The following SNTG1 variants were observed in gnomAD, a reference collection of about 807,000 sequenced individuals.
SNTG1 encodes the protein syntrophin gamma 1.
In SNTG1, 39 loss-of-function variants were observed where a neutral mutation model predicts 74.7. That is an observed-to-expected ratio of 0.52 (90% CI 0.40 to 0.68). The LOEUF (loss-of-function observed/expected upper bound fraction) is 0.68, where lower values mean the gene tolerates loss of function less well. Among genes scored for constraint, SNTG1 ranks in the 30% least tolerant of loss-of-function variants. SNTG1 has a pLI of 0.00. For synonymous variants in SNTG1, 254 were observed against 217.1 expected (o/e 1.17, Z -1.49); for missense variants, 685 against 609.5 (o/e 1.12, Z -1.30).
intron 2 of SNTG1, among the ~76,000 whole-genome samples, chr8:50,371,770 C>T (rs541045566): frequency 6.6e-6 from 1 of 152,248 alleles, no homozygotes; most frequent in East Asian, 1.9e-4. Flanking sequence ...GGTGAATTGA[C>T]CCTTTTATCG....
chr8:50,433,130 A>T (rs1030538201), intron 4 of SNTG1, among the ~76,000 whole-genome samples: 3 of 152,198 alleles, frequency 2.0e-5, no homozygotes, highest in Non-Finnish European at 2.9e-5. Flanking sequence ...TTTAAATGGC[A>T]TTATGCTTTT....
chr8:50,286,453 C>T (rs2088789067), intron 2 of SNTG1: 1 of 152,132 alleles, frequency 6.6e-6, no homozygotes, highest in Non-Finnish European at 1.5e-5. Flanking sequence ...CTCATTTCTC[C>T]CCACCAGTCA....
intron 1 of SNTG1, among the ~76,000 whole-genome samples, chr8:50,167,551 C>T (rs183957991): frequency 3.8e-4 from 58 of 151,354 alleles, no homozygotes; most frequent in Admixed American, 3.7e-3. Flanking sequence ...AATCCCAGCA[C>T]TTTGTGAGGC....
At chr8:50,104,266 A>G (rs1016060149) in intron 1 of SNTG1, among the ~76,000 whole-genome samples, 3 of 152,146 alleles carry the variant, frequency 2.0e-5, no homozygotes, top group African/African-American at 4.8e-5. Context: ...TCAGAGATTC[A>G]ACTTCTTCCT....
chr8:50,587,724 G>A (rs1048401721), intron 12 of SNTG1, among the ~76,000 whole-genome samples: 2 of 151,602 alleles, frequency 1.3e-5, no homozygotes, highest in African/African-American at 4.8e-5. Flanking sequence ...ACGCGCGAGG[G>A]TGAGGCAGGA....
chr8:50,488,750 T>C (rs1381937776), intron 8 of SNTG1, among the ~76,000 whole-genome samples: 1 of 152,170 alleles, frequency 6.6e-6, no homozygotes, highest in Admixed American at 6.5e-5. Flanking sequence ...AAGTATTCAC[T>C]AAATAGTCAT....
At chr8:50,200,378 G>C (rs527351555) in intron 2 of SNTG1, among the ~76,000 whole-genome samples, 3 of 152,266 alleles carry the variant, frequency 2.0e-5, no homozygotes, top group Non-Finnish European at 4.4e-5. Flanking sequence ...ACAATGACTT[G>C]AGCTGTGGAG....
intron 2 of SNTG1, among the ~76,000 whole-genome samples, chr8:50,266,781 A>G (rs2087504286): frequency 6.6e-6 from 1 of 151,534 alleles, no homozygotes; most frequent in Non-Finnish European, 1.5e-5. Context: ...AAAGAGAAGT[A>G]GAAATCATTG....
chr8:50,379,706 C>T (rs576610635), intron 2 of SNTG1, among the ~76,000 whole-genome samples: 3 of 152,352 alleles, frequency 2.0e-5, no homozygotes, highest in African/African-American at 7.2e-5. Context: ...TCTCAGTAAT[C>T]CCAAGGACTA....
At chr8:50,604,477 G>T (rs139657305) in intron 13 of SNTG1, among the ~76,000 whole-genome samples, 7 of 152,130 alleles carry the variant, frequency 4.6e-5, no homozygotes, top group African/African-American at 1.7e-4. Context: ...ATTCTGCATG[G>T]CTAAGATGGA....
intron 1 of SNTG1, among the ~76,000 whole-genome samples, chr8:50,078,439 A>G (rs62515418): frequency 0.024 from 3,619 of 152,178 alleles, 106 homozygotes; most frequent in Middle Eastern, 0.031. Flanking sequence ...CTTCTTAGCA[A>G]TGTTTGGTAC....
At chr8:49,942,891 C>T (rs1174838033) in intron 1 of SNTG1, among the ~76,000 whole-genome samples, 1 of 152,126 alleles carries the variant, frequency 6.6e-6, no homozygotes, top group Non-Finnish European at 1.5e-5. Context: ...TGCACTCCAC[C>T]CACCTCCATA....
chr8:50,464,575 G>A (rs1306621837), intron 8 of SNTG1, among the ~76,000 whole-genome samples: 2 of 152,180 alleles, frequency 1.3e-5, no homozygotes, highest in African/African-American at 2.4e-5. Flanking sequence ...TTATACAGGT[G>A]TGATTTGTGG....
intron 2 of SNTG1, among the ~76,000 whole-genome samples, chr8:50,208,800 AAC>A (rs550735894): frequency 1.4e-4 from 22 of 152,154 alleles, no homozygotes; most frequent in Non-Finnish European, 2.5e-4. Flanking sequence ...GCCAGATAGG[AAC>A]AGCTCCAGTC....
At chr8:50,618,351 C>T (rs1002247883) in intron 13 of SNTG1, among the ~76,000 whole-genome samples, 12 of 152,176 alleles carry the variant, frequency 7.9e-5, no homozygotes, top group Admixed American at 6.5e-4. Context: ...TATTTTCTTA[C>T]TGTTGCATGC....
At chr8:50,022,260 T>A (rs979902924) in intron 1 of SNTG1, among the ~76,000 whole-genome samples, 1 of 152,154 alleles carries the variant, frequency 6.6e-6, no homozygotes, top group Non-Finnish European at 1.5e-5. Flanking sequence ...AATGAGATAA[T>A]AATGCCTATA....
At chr8:50,273,654 C>A (rs913322072) in intron 2 of SNTG1, among the ~76,000 whole-genome samples, 15 of 152,250 alleles carry the variant, frequency 9.9e-5, no homozygotes, top group African/African-American at 3.6e-4. Context: ...CAGTGTAGGC[C>A]TCCTGGGGCT....
chr8:49,962,438 A>T (rs774930901), intron 1 of SNTG1, among the ~76,000 whole-genome samples: 2 of 152,010 alleles, frequency 1.3e-5, no homozygotes, highest in Non-Finnish European at 2.9e-5. Flanking sequence ...CATATATCAC[A>T]TATAAATGAG....
chr8:50,732,964 G>A (rs1158916863), intron 17 of SNTG1, among the ~76,000 whole-genome samples: 1 of 151,692 alleles, frequency 6.6e-6, no homozygotes, highest in Non-Finnish European at 1.5e-5. Context: ...TTAGATACAG[G>A]AGGCAAATGT....
Sources: allele counts gnomAD v4.1 joint callset (sites outside exome capture counted in the v4.1 genomes callset), GRCh38; gene constraint gnomAD v4.1.1; transcripts MANE v1.5; gene names NCBI Gene and HGNC (gene_info 2026-07-23, HGNC 2026-07-21).